Variants in GHR observed in about 807,000 individuals in gnomAD.
GHR encodes GH receptor.
GHR carries 35 observed loss-of-function variants against 67.1 expected under a neutral mutation model. The observed-to-expected ratio is 0.52, with a 90% CI of 0.40 to 0.69. The LOEUF (loss-of-function observed/expected upper bound fraction) is 0.69. GHR is among the 30% of genes least tolerant of loss of function. GHR has a pLI of 0.00. For missense variants in GHR, 792 were observed against 764.6 expected (o/e 1.04, Z -0.42); for synonymous variants, 272 against 269.1 (o/e 1.01, Z -0.10).
intron 1 of GHR, among the ~76,000 whole-genome samples, chr5:42,540,419 C>T (rs1748454539): frequency 1.3e-5 from 2 of 152,098 alleles, no homozygotes; most frequent in Non-Finnish European, 1.5e-5. Context: ...AGAATCAAAA[C>T]ATTCACAGAA....
At chr5:42,587,703 C>T (rs986204683) in intron 2 of GHR, among the ~76,000 whole-genome samples, 9 of 151,304 alleles carry the variant, frequency 5.9e-5, no homozygotes, top group African/African-American at 2.2e-4. Flanking sequence ...GAAACAGAGA[C>T]TTGACTTATT....
intron 1 of GHR, among the ~76,000 whole-genome samples, chr5:42,483,286 A>AGTTGG (rs1745735653): frequency 6.6e-6 from 1 of 152,126 alleles, no homozygotes; most frequent in African/African-American, 2.4e-5. Context: ...ACCTGGGATC[A>AGTTGG]AGCAGTCTGC....
At chr5:42,714,610 T>G (rs1301288863) in intron 8 of GHR, among the ~76,000 whole-genome samples, 1 of 152,176 alleles carries the variant, frequency 6.6e-6, no homozygotes, top group Non-Finnish European at 1.5e-5. Context: ...TCAGTAGAGC[T>G]TCATGTCCAA....
intron 5 of GHR, among the ~76,000 whole-genome samples, chr5:42,697,777 C>T (rs899609304): frequency 2.6e-5 from 4 of 151,968 alleles, no homozygotes; most frequent in Non-Finnish European, 5.9e-5. Context: ...TGTGATCTAA[C>T]GTAAGTGTTA....
At chr5:42,447,338 C>A (rs1014382995) in intron 1 of GHR, among the ~76,000 whole-genome samples, 1 of 152,034 alleles carries the variant, frequency 6.6e-6, no homozygotes, top group African/African-American at 2.4e-5. Context: ...TTATATTATT[C>A]TTATGACTTT....
Position 42,571,156 on chromosome 5 carries a change from C to A in GHR, c.70+5212C>A, listed in dbSNP as rs1339209551. Reference sequence around the variant, plus strand: ...CCTGGTGCACAGTTCAGCCTATTAGCACTAAAGTGGCACTTGCACAGAACA... The same window carrying A: ...CCTGGTGCACAGTTCAGCCTATTAGAACTAAAGTGGCACTTGCACAGAACA... On this transcript the variant is annotated intron_variant, in intron 2 of 9. Transcript: ENST00000230882. 2.0e-5 allele frequency among the ~76,000 whole-genome samples: 3 copies of A among 152,330 alleles called. No homozygotes were observed. In the East Asian group the frequency reaches 5.8e-4, roughly 29 times the overall value.
intron 2 of GHR, 143 bp from the exon 3 acceptor site, chr5:42,628,895 A>T: frequency 1.6e-6 from 1 of 635,896 alleles, no homozygotes; most frequent in East Asian, 2.8e-5. Flanking sequence ...GTGGCCAGGA[A>T]CCTTTCTCTG....
intron 3 of GHR, among the ~76,000 whole-genome samples, chr5:42,648,513 C>A (rs542538779): frequency 1.3e-5 from 2 of 152,272 alleles, no homozygotes; most frequent in East Asian, 3.9e-4. Context: ...TTCCTGACTT[C>A]TTCTCTATTC....
chr5:42,554,835 T>A (rs1279227277), intron 1 of GHR, among the ~76,000 whole-genome samples: 1 of 152,216 alleles, frequency 6.6e-6, no homozygotes, highest in African/African-American at 2.4e-5. Flanking sequence ...ATAAGATACA[T>A]TATTAAAATT....
intron 1 of GHR, among the ~76,000 whole-genome samples, chr5:42,456,148 T>C (rs1036719206): frequency 1.3e-5 from 2 of 152,106 alleles, no homozygotes; most frequent in African/African-American, 2.4e-5. Flanking sequence ...CCATCTCTAC[T>C]AAAAATACAA....
intron 1 of GHR, among the ~76,000 whole-genome samples, chr5:42,556,955 G>T (rs558929644): frequency 6.6e-6 from 1 of 152,276 alleles, no homozygotes; most frequent in East Asian, 1.9e-4. Context: ...TTGTAACTCA[G>T]TTGCCTTTTT....
intron 6 of GHR, among the ~76,000 whole-genome samples, chr5:42,707,698 T>G (rs537560512): frequency 5.9e-5 from 9 of 151,264 alleles, no homozygotes; most frequent in Non-Finnish European, 1.2e-4. Flanking sequence ...CCTAGGTTTC[T>G]GTGTGTGTGT....
intron 1 of GHR, among the ~76,000 whole-genome samples, chr5:42,479,587 T>C (rs1745514654): frequency 6.6e-6 from 1 of 152,228 alleles, no homozygotes; most frequent in South Asian, 2.1e-4. Context: ...TATTCAGAGA[T>C]TCAACTTCTT....
chr5:42,716,437 C>G (rs973119023), intron 8 of GHR, among the ~76,000 whole-genome samples: 1 of 152,114 alleles, frequency 6.6e-6, no homozygotes, highest in Non-Finnish European at 1.5e-5. Context: ...GCCATACAGT[C>G]TCTATCACAG....
chr5:42,628,831 G>T lies in GHR; in HGVS notation c.71-207G>T, dbSNP rs1753825021. On this transcript the variant is annotated intron_variant, in intron 2 of 9. Coordinates refer to ENST00000230882, the MANE Select transcript of GHR (RefSeq NM_000163.5). ...TGATCTCTACTTTAACATTAATGCT[G>T]GTCACTTGTGCCTAAACTCCAAAGG... Among the ~76,000 whole-genome samples the T allele has an allele frequency of 1.5e-5, 2 of 130,586 alleles. 1 individual carries two copies. Among genetic ancestry groups the T allele is most frequent in the African/African-American group, 6.5e-5 (2 of 30,782 alleles). The allele number at this position is 130,586 out of a possible 152,430, so 85.7% of individuals were successfully genotyped here.
At chr5:42,620,404 G>T (rs1051359664) in intron 2 of GHR, among the ~76,000 whole-genome samples, 1 of 152,124 alleles carries the variant, frequency 6.6e-6, no homozygotes, top group Non-Finnish European at 1.5e-5. Flanking sequence ...AGGAGAATAA[G>T]CCATGATCCT....
Position 42,694,944 on chromosome 5 carries a change from G to T in GHR, c.294G>T (p.Trp98Cys). The T allele has an allele frequency of 1.2e-6, 2 of 1,610,800 alleles. No homozygotes were observed. The highest frequency in any genetic ancestry group is 1.7e-6 in the Non-Finnish European group (2 of 1,177,792). ...ACACTCAAGAATGGACTCAAGAATG[G>T]AAAGAATGCCCTGATTATGTTTCTG... Reference protein sequence around the residue: ...RRNTQEWTQEWKECPDYVSAG... With the variant: ...RRNTQEWTQECKECPDYVSAG... The change falls in exon 5 of 10, where the codon TGG (tryptophan) becomes TGT (cysteine). Residue 98 changes from tryptophan (W) to cysteine (C), a missense_variant. Trp to Cys is a radical substitution (Grantham distance 215). Coordinates refer to ENST00000230882, the MANE Select transcript of GHR (RefSeq NM_000163.5).
chr5:42,681,828 C>T lies in GHR; in HGVS notation c.137-7062C>T, dbSNP rs577251290. Among the ~76,000 whole-genome samples the T allele has an allele frequency of 2.2e-3, 317 of 141,986 alleles. 1 individual carries two copies. The highest frequency in any genetic ancestry group is 7.9e-3 in the African/African-American group (304 of 38,452). 93.1% of individuals were successfully genotyped at this position (141,986 alleles called of 152,430 possible). A position where few individuals can be genotyped will look rare whatever the true frequency, so the allele number is the denominator to read the frequency against. ...GCGGGCGCCTGTAGTCCCAGCTACTCGGGAGGCTGAGGCAGGAGAATGGCA... is the reference window on the plus strand; with the variant it reads ...GCGGGCGCCTGTAGTCCCAGCTACTTGGGAGGCTGAGGCAGGAGAATGGCA... On this transcript the variant is annotated intron_variant, in intron 3 of 9. Transcript: ENST00000230882.
chr5:42,565,528 A>G, intron 1 of GHR: 2 of 985,352 alleles, frequency 2.0e-6, no homozygotes, highest in Non-Finnish European at 2.4e-6. Context: ...AGATCAAATT[A>G]AAGCAAACCT....
Sources: gnomAD v4.1 joint callset for allele counts (sites outside exome capture counted in the v4.1 genomes callset) on GRCh38, gnomAD v4.1.1 for gene constraint, MANE v1.5 for transcripts, NCBI Gene and HGNC (gene_info 2026-07-23, HGNC 2026-07-21) for gene names.